The following PRAG1 variants were observed in gnomAD, a reference collection of about 807,000 sequenced individuals.
PRAG1 encodes inactive tyrosine-protein kinase PRAG1.
Under a neutral mutation model 95.6 loss-of-function variants are expected in PRAG1, and 110 were observed. That is an observed-to-expected ratio of 1.15 (90% CI 0.99 to 1.35). The LOEUF (loss-of-function observed/expected upper bound fraction) is 1.35. Ranked by LOEUF, PRAG1 falls within the 40% of genes most tolerant of loss-of-function variation. The pLI is 0.00. For missense variants in PRAG1, 2,554 were observed against 1,864.7 expected (o/e 1.37, Z -6.81); for synonymous variants, 1,052 against 819.4 (o/e 1.28, Z -4.85).
rs148295554 is a variant in PRAG1 at position 8,383,136 on chromosome 8, C to G, written c.-87-1302G>C. Among the ~76,000 whole-genome samples, 41 of 152,224 alleles carry G rather than the reference C, an allele frequency of 2.7e-4. No individual in the cohort carries two copies. The East Asian group carries it at 3.9e-3, about 14-fold the overall frequency. On this transcript the variant is annotated intron_variant, in intron 1 of 5. Coordinates refer to ENST00000615670, the MANE Select transcript of PRAG1 (RefSeq NM_001080826.3). ...ATCTCTAAACTGTCAACAGGACTAA[C>G]CAGGTGGAATGAGCCGGGTACCCCA...
At chr8:8,357,211 T>C (rs891001413) in intron 3 of PRAG1, among the ~76,000 whole-genome samples, 2 of 152,186 alleles carry the variant, frequency 1.3e-5, no homozygotes, top group African/African-American at 2.4e-5. Context: ...AAACATGTTG[T>C]GCATCAAAGG....
At chr8:8,383,194 C>G (rs1046240729) in intron 1 of PRAG1, among the ~76,000 whole-genome samples, 5 of 152,152 alleles carry the variant, frequency 3.3e-5, no homozygotes, top group African/African-American at 7.2e-5. Flanking sequence ...GGGAAGTGCT[C>G]TCTTTTATCT....
intron 2 of PRAG1, 110 bp downstream of exon 2, chr8:8,381,308 T>C: frequency 9.5e-7 from 1 of 1,057,786 alleles, no homozygotes. Context: ...GACAGGAAGC[T>C]ATCCTGCAGG....
rs916094524 is a variant in PRAG1 at position 8,386,408 on chromosome 8, G to T, written c.-175C>A. On this transcript the variant is annotated 5_prime_UTR_variant, in exon 1 of 6. Transcript: ENST00000615670. ...CATTGTTCGCAGAAGGTCTGCGCGC[G>T]GTGCGTGCCCGGCCGCGGGCGGGTG... 6.6e-6 allele frequency: 1 copy of T among 151,912 alleles called. No homozygotes were observed. Among genetic ancestry groups the T allele is most frequent in the Non-Finnish European group, 1.5e-5 (1 of 67,936 alleles). 9.4% of individuals were successfully genotyped at this position (151,912 alleles called of 1,614,324 possible).
At chr8:8,331,694 C>A (rs565745457) in intron 4 of PRAG1, among the ~76,000 whole-genome samples, 1 of 152,074 alleles carries the variant, frequency 6.6e-6, no homozygotes. Context: ...CAAAGAGAAC[C>A]AAGAGGTTCT....
In PRAG1 at chr8:8,376,273, T is replaced by G. The variant is rs531032560; in HGVS notation, c.2136A>C (p.Ser712=). The G allele has an allele frequency of 1.4e-5, 23 of 1,613,138 alleles. No homozygotes were observed. The highest frequency in any genetic ancestry group is 2.5e-6 in the Non-Finnish European group (3 of 1,179,802). Residue 712 remains serine (S), a synonymous_variant, in exon 3 of 6, where the codon TCA becomes TCC. Transcript: ENST00000615670. ...GCGACTTTGGAGGCGGAGGAGGAGG[T>G]GAGAATGTCTCAATCCCACTTCTGT... ...PKDRSGIETF[S]PPPPPPKSRH...
At chr8:8,324,542 G>A (rs1424677825) in intron 5 of PRAG1, among the ~76,000 whole-genome samples, 1 of 152,150 alleles carries the variant, frequency 6.6e-6, no homozygotes. Flanking sequence ...GGGGGAGGGA[G>A]TGGCTTTTTC....
At chr8:8,376,101 G>T in intron 3 of PRAG1, 146 bp downstream of exon 3, 1 of 1,122,306 alleles carries the variant, frequency 8.9e-7, no homozygotes, top group Non-Finnish European at 1.2e-6. Context: ...GGGCTGCACT[G>T]GGACCCTGGG....
At chr8:8,360,288 C>T (rs1799804623) in intron 3 of PRAG1, among the ~76,000 whole-genome samples, 1 of 152,270 alleles carries the variant, frequency 6.6e-6, no homozygotes, top group South Asian at 2.1e-4. Flanking sequence ...CCCTGTCTTC[C>T]AAGCCCAGGG....
intron 3 of PRAG1, among the ~76,000 whole-genome samples, chr8:8,358,690 G>A (rs1301709774): frequency 6.6e-6 from 1 of 152,238 alleles, no homozygotes; most frequent in African/African-American, 2.4e-5. Flanking sequence ...CAGAAAGGGT[G>A]CTGCCCATCA....
chr8:8,363,113 A>C, intron 3 of PRAG1, among the ~76,000 whole-genome samples: 1 of 149,198 alleles, frequency 6.7e-6, no homozygotes, highest in East Asian at 1.9e-4. Context: ...ATATACTTAT[A>C]TATAATATAC....
At chr8:8,345,257 A>G (rs1431898725) in intron 3 of PRAG1, among the ~76,000 whole-genome samples, 2 of 151,740 alleles carry the variant, frequency 1.3e-5, no homozygotes, top group Non-Finnish European at 2.9e-5. Flanking sequence ...GTGACCAGGC[A>G]TCGTGGCCCA....
chr8:8,358,137 A>G (rs1007172084), intron 3 of PRAG1, among the ~76,000 whole-genome samples: 5 of 152,178 alleles, frequency 3.3e-5, no homozygotes, highest in African/African-American at 1.2e-4. Flanking sequence ...GGCTCCCATA[A>G]TCTCCTCCTT....
Position 8,376,721 on chromosome 8 carries a change from CCAGCAGACGGTGACACCGGGGACCCTA to C in PRAG1, c.1661_1687del (p.Val554_Ala562del), listed in dbSNP as rs768826028. The C allele has an allele frequency of 6.2e-7, 1 of 1,610,382 alleles. No individual in the cohort carries two copies. Among genetic ancestry groups the C allele is most frequent in the South Asian group, 1.1e-5 (1 of 91,060 alleles). ...AGCCAGCGGTGACACTGGGGGCCCT[CCAGCAGACGGTGACACCGGGGACCCTA>C]CAGGGCTACTCTTGGACAACTTGGG... On this transcript the variant is annotated inframe_deletion, in exon 3 of 6. Transcript: ENST00000615670.
intron 5 of PRAG1, among the ~76,000 whole-genome samples, chr8:8,326,656 C>G (rs190123167): frequency 8.5e-4 from 130 of 152,290 alleles, no homozygotes; most frequent in Non-Finnish European, 1.5e-3. Flanking sequence ...AGCAAGAGGC[C>G]TGATCCAGCA....
At chr8:8,378,639 T>A (rs28681584) in intron 2 of PRAG1, among the ~76,000 whole-genome samples, 3 of 151,980 alleles carry the variant, frequency 2.0e-5, no homozygotes, top group African/African-American at 7.3e-5. Flanking sequence ...GAGGGCAGAT[T>A]GCTTGAGCCC....
At chr8:8,328,504 A>C (rs1255950243) in intron 4 of PRAG1, 43 bp from the exon 5 acceptor site, 2 of 1,597,256 alleles carry the variant, frequency 1.3e-6, no homozygotes, top group Admixed American at 1.7e-5. Context: ...GGCCAGTGCC[A>C]CTCAATTCCA....
intron 3 of PRAG1, among the ~76,000 whole-genome samples, chr8:8,345,111 C>T (rs1463256334): frequency 1.4e-5 from 2 of 143,920 alleles, no homozygotes; most frequent in Non-Finnish European, 3.0e-5. Flanking sequence ...AAGGGAGCCT[C>T]CCAAAGTGGA....
At chr8:8,366,379 T>A (rs1451949912) in intron 3 of PRAG1, among the ~76,000 whole-genome samples, 1 of 150,872 alleles carries the variant, frequency 6.6e-6, no homozygotes, top group Non-Finnish European at 1.5e-5. Flanking sequence ...AATGGCATGA[T>A]CTTGGCTCAC....
Sources: gnomAD v4.1 joint callset for allele counts (sites outside exome capture counted in the v4.1 genomes callset) on GRCh38, gnomAD v4.1.1 for gene constraint, MANE v1.5 for transcripts, NCBI Gene and HGNC (gene_info 2026-07-23, HGNC 2026-07-21) for gene names.